Variants in ALG9 observed in about 807,000 individuals in gnomAD.
ALG9 encodes the protein ALG9 alpha-1,2-mannosyltransferase.
In ALG9, 55 loss-of-function variants were observed where a neutral mutation model predicts 81.8. That is an observed-to-expected ratio of 0.67 (90% CI 0.54 to 0.84). The LOEUF (loss-of-function observed/expected upper bound fraction) is 0.84, where lower values mean the gene tolerates loss of function less well. Ranked by LOEUF, ALG9 falls within the 40% of genes least tolerant of loss-of-function variation. The probability of loss-of-function intolerance (pLI) is 0.00; values close to 1 mark genes in which losing one functional copy is unlikely to be tolerated. For missense variants in ALG9, 629 were observed against 745.0 expected (o/e 0.84, Z 1.81); for synonymous variants, 278 against 274.3 (o/e 1.01, Z -0.13).
intron 8 of ALG9, among the ~76,000 whole-genome samples, chr11:111,848,142 A>G (rs1555132452): frequency 1.3e-5 from 2 of 152,158 alleles, no homozygotes; most frequent in African/African-American, 4.8e-5. Context: ...CAGTTTCTTC[A>G]TCCAGGAATA....
intron 13 of ALG9, among the ~76,000 whole-genome samples, chr11:111,833,669 CA>C (rs1447652197): frequency 1.3e-5 from 2 of 152,084 alleles, no homozygotes; most frequent in Non-Finnish European, 2.9e-5. Context: ...CACAGATAAG[CA>C]AAAAAATCCT....
chr11:111,871,351 C>A lies in ALG9; in HGVS notation c.131+1G>T. The A allele has an allele frequency of 2.0e-6, 3 of 1,523,812 alleles. No homozygotes were observed. Among genetic ancestry groups the A allele is most frequent in the Non-Finnish European group, 2.6e-6 (3 of 1,141,488 alleles). The allele number at this position is 1,523,812 out of a possible 1,614,324, so 94.4% of individuals were successfully genotyped here. On this transcript the variant is annotated splice_donor_variant, in intron 1 of 14. Coordinates refer to ENST00000616540, the MANE Select transcript of ALG9 (RefSeq NM_024740.2). LOFTEE classifies it high-confidence loss of function. ...ACGCCCCTGCCGCGCCGCACACGTACTCGGTCCGGTGCTCCGCGCCGCCCG... is the reference window on the plus strand; with the variant it reads ...ACGCCCCTGCCGCGCCGCACACGTAATCGGTCCGGTGCTCCGCGCCGCCCG...
In ALG9 at chr11:111,783,445, AAG is replaced by A. The variant is rs1946133700; in HGVS notation, c.*2950_*2951del. ...TGTGTTCCAACCTGGGCGACAGAGC[AAG>A]ACTCTGTCTCGGGGAAAAAAAATAA... On this transcript the variant is annotated 3_prime_UTR_variant, in exon 15 of 15. Coordinates refer to ENST00000616540, the MANE Select transcript of ALG9 (RefSeq NM_024740.2). 6.6e-6 allele frequency: 1 copy of A among 152,126 alleles called. No individual in the cohort carries two copies. Among genetic ancestry groups the A allele is most frequent in the South Asian group, 2.1e-4 (1 of 4,814 alleles). The allele number at this position is 152,126 out of a possible 1,614,324, so 9.4% of individuals were successfully genotyped here.
At chr11:111,791,015 T>G (rs1947316727) in intron 14 of ALG9, among the ~76,000 whole-genome samples, 1 of 152,240 alleles carries the variant, frequency 6.6e-6, no homozygotes, top group Non-Finnish European at 1.5e-5. Context: ...TACTTGGTTT[T>G]CCATTTGCTA....
chr11:111,860,554 T>G lies in ALG9; in HGVS notation c.558A>C (p.Ser186=). ...FLVLSTGMFC[S]SSAFLPSSFC... is the part of the protein sequence containing the mutation. ...ATCTGCCCTTTTACTTACCTGATGA[T>G]GAGCAAAACATGCCAGTGCTGAGAA... The change falls in exon 5 of 15, where the codon TCA becomes TCC. Residue 186 remains serine, a synonymous_variant. Coordinates refer to ENST00000616540, the MANE Select transcript of ALG9 (RefSeq NM_024740.2). 6.2e-7 allele frequency: 1 copy of G among 1,614,108 alleles called. No homozygotes were observed. The highest frequency in any genetic ancestry group is 8.5e-7 in the Non-Finnish European group (1 of 1,179,980).
intron 13 of ALG9, among the ~76,000 whole-genome samples, chr11:111,815,687 T>C (rs868996076): frequency 5.3e-5 from 8 of 152,230 alleles, no homozygotes; most frequent in African/African-American, 1.9e-4. Context: ...CAATCTTTTT[T>C]CTTATACCTC....
chr11:111,799,215 C>T (rs1948741798), intron 14 of ALG9, among the ~76,000 whole-genome samples: 1 of 152,086 alleles, frequency 6.6e-6, no homozygotes, highest in African/African-American at 2.4e-5. Context: ...GGTGCGATCT[C>T]GGCTCACTGC....
At chr11:111,840,117 A>G (rs2136876155) in intron 10 of ALG9, among the ~76,000 whole-genome samples, 1 of 152,380 alleles carries the variant, frequency 6.6e-6, no homozygotes, top group African/African-American at 2.4e-5. Flanking sequence ...CTGTTAAGAA[A>G]AAAACCTATC....
intron 6 of ALG9, among the ~76,000 whole-genome samples, chr11:111,855,481 G>T (rs1474459142): frequency 2.6e-5 from 4 of 152,072 alleles, no homozygotes; most frequent in African/African-American, 9.7e-5. Context: ...GGAACAAGGG[G>T]GAGTGAAGAC....
rs1592407132 is a variant in ALG9, at chr11:111,865,090, T to C, written c.476+91A>G. On this transcript the variant is annotated intron_variant, in intron 4 of 14. Coordinates refer to ENST00000616540, the MANE Select transcript of ALG9 (RefSeq NM_024740.2). ...CCGCACCCGGTCAAGAGTTTTCTAT[T>C]TCTAATCACTGCCTAGACTATCACA... 8 of 1,114,840 alleles carry C rather than the reference T, an allele frequency of 7.2e-6. No homozygotes were observed. In the East Asian group the frequency reaches 2.2e-4, roughly 31 times the overall value. The allele number at this position is 1,114,840 out of a possible 1,614,324, so 69.1% of individuals were successfully genotyped here.
intron 4 of ALG9, chr11:111,864,130 T>C (rs79389195): frequency 1.8e-4 from 89 of 493,764 alleles, no homozygotes; most frequent in African/African-American, 1.5e-3. Context: ...CCAAAAACTA[T>C]TGAAAAATAA....
chr11:111,807,274 C>T (rs1198874863), intron 14 of ALG9, among the ~76,000 whole-genome samples: 1 of 152,208 alleles, frequency 6.6e-6, no homozygotes, highest in Non-Finnish European at 1.5e-5. Context: ...CCCTACTGCA[C>T]TCTGACCACA....
At chr11:111,867,800 G>A (rs1040249669) in intron 3 of ALG9, among the ~76,000 whole-genome samples, 26 of 152,088 alleles carry the variant, frequency 1.7e-4, no homozygotes, top group Non-Finnish European at 3.5e-4. Context: ...GTGCTCCTAC[G>A]ATCTTATTTA....
chr11:111,833,352 CAAT>C (rs1401741961), intron 13 of ALG9, among the ~76,000 whole-genome samples: 9 of 152,018 alleles, frequency 5.9e-5, no homozygotes, highest in African/African-American at 2.2e-4. Context: ...GCTTCCTGTT[CAAT>C]AATGAGATAT....
intron 13 of ALG9, among the ~76,000 whole-genome samples, chr11:111,821,668 C>T (rs172948): frequency 2.6e-5 from 4 of 151,810 alleles, no homozygotes; most frequent in Admixed American, 2.6e-4. Context: ...TAGAGTCTCG[C>T]TCTGTTGCCC....
chr11:111,796,016 T>C (rs1322724045), intron 14 of ALG9, among the ~76,000 whole-genome samples: 1 of 152,302 alleles, frequency 6.6e-6, no homozygotes, highest in African/African-American at 2.4e-5. Context: ...GGACCCTCAT[T>C]TGGGCTTCTT....
At chr11:111,787,883 G>C (rs1326883018) in intron 14 of ALG9, among the ~76,000 whole-genome samples, 1 of 152,186 alleles carries the variant, frequency 6.6e-6, no homozygotes, top group Non-Finnish European at 1.5e-5. Context: ...AACTTGCTCA[G>C]GGTTACACAG....
intron 14 of ALG9, among the ~76,000 whole-genome samples, chr11:111,796,449 G>A (rs1948299277): frequency 6.6e-6 from 1 of 152,206 alleles, no homozygotes; most frequent in Admixed American, 6.5e-5. Flanking sequence ...CAGATGGTCT[G>A]TAAATGGTTT....
At chr11:111,786,597 A>G in intron 14 of ALG9, 77 bp from the exon 15 acceptor site, 2 of 1,466,346 alleles carry the variant, frequency 1.4e-6, no homozygotes, top group South Asian at 2.3e-5. Flanking sequence ...GATTAAAATA[A>G]ATAAACTAAT....
Sources: gnomAD v4.1 joint callset for allele counts (sites outside exome capture counted in the v4.1 genomes callset) on GRCh38, gnomAD v4.1.1 for gene constraint, MANE v1.5 for transcripts, NCBI Gene and HGNC (gene_info 2026-07-23, HGNC 2026-07-21) for gene names.